Variants in TNKS observed in about 807,000 individuals in gnomAD.
TNKS encodes tankyrase, also known as poly [ADP-ribose] polymerase tankyrase-1.
Under a neutral mutation model 135.8 loss-of-function variants are expected in TNKS, and 72 were observed. The observed-to-expected ratio is 0.53, with a 90% CI of 0.44 to 0.64. The LOEUF is 0.64. Among genes scored for constraint, TNKS ranks in the 30% least tolerant of loss-of-function variants. The pLI is 0.00. For synonymous variants in TNKS, 849 were observed against 649.3 expected, an observed-to-expected ratio of 1.31 and a Z score of -4.68; for missense variants, 1,769 against 1,674.0, an observed-to-expected ratio of 1.06 and a Z score of -0.99.
At chr8:9,751,251 T>G (rs1480709972) in intron 18 of TNKS, among the ~76,000 whole-genome samples, 2 of 152,360 alleles carry the variant, frequency 1.3e-5, no homozygotes, top group African/African-American at 4.8e-5. Flanking sequence ...AGATGTTAAT[T>G]GTACATGAAA....
intron 2 of TNKS, among the ~76,000 whole-genome samples, chr8:9,599,730 C>A (rs1798938496): frequency 6.6e-6 from 1 of 151,758 alleles, no homozygotes; most frequent in Admixed American, 6.6e-5. Flanking sequence ...ATATAAAAAT[C>A]TGCTATGTAT....
At chr8:9,736,257 C>T (rs1805698568) in intron 17 of TNKS, among the ~76,000 whole-genome samples, 1 of 150,924 alleles carries the variant, frequency 6.6e-6, no homozygotes. Flanking sequence ...GTGGCATGCG[C>T]CTGTAATCCC....
At chr8:9,746,401 G>A (rs1184225692) in intron 17 of TNKS, among the ~76,000 whole-genome samples, 1 of 152,132 alleles carries the variant, frequency 6.6e-6, no homozygotes, top group Non-Finnish European at 1.5e-5. Context: ...TTGCTATGTG[G>A]AGCTCTTGCT....
intron 2 of TNKS, among the ~76,000 whole-genome samples, chr8:9,593,366 A>G (rs923115637): frequency 6.6e-6 from 1 of 152,188 alleles, no homozygotes; most frequent in African/African-American, 2.4e-5. Flanking sequence ...TATAATGGAA[A>G]TGTTTTCTTA....
At chr8:9,701,092 C>A (rs1248007550) in intron 5 of TNKS, among the ~76,000 whole-genome samples, 1 of 152,014 alleles carries the variant, frequency 6.6e-6, no homozygotes, top group African/African-American at 2.4e-5. Context: ...CGCCACCACA[C>A]CTGGCTAATT....
intron 2 of TNKS, among the ~76,000 whole-genome samples, chr8:9,591,783 A>C (rs1046411324): frequency 6.6e-6 from 1 of 152,172 alleles, no homozygotes; most frequent in African/African-American, 2.4e-5. Context: ...TTATCAGTTA[A>C]AATAGCAAAG....
intron 2 of TNKS, 140 bp from the exon 3 acceptor site, chr8:9,615,441 TG>T: frequency 1.7e-6 from 1 of 592,456 alleles, no homozygotes; most frequent in Non-Finnish European, 2.8e-6. Flanking sequence ...AGTGCTTTTT[TG>T]CTTTTTTTCT....
chr8:9,652,068 G>C (rs1801167223), intron 3 of TNKS, among the ~76,000 whole-genome samples: 1 of 152,136 alleles, frequency 6.6e-6, no homozygotes, highest in Non-Finnish European at 1.5e-5. Flanking sequence ...ATTAAATATA[G>C]AAACAAATCT....
intron 4 of TNKS, 113 bp downstream of exon 4, chr8:9,680,100 A>T: frequency 1.4e-6 from 1 of 726,926 alleles, no homozygotes; most frequent in South Asian, 1.6e-5. Context: ...GATTTTATGC[A>T]ATTATGCAGA....
In TNKS at chr8:9,577,751, C is replaced by G. The variant is rs564542096; in HGVS notation, c.674-2408C>G. Among the ~76,000 whole-genome samples the G allele has an allele frequency of 2.0e-4, 30 of 152,240 alleles. No homozygotes were observed. In the South Asian group the frequency reaches 6.0e-3, roughly 31 times the overall value. ...AAATTTTTTGGTCCCTGGCTCCTCC[C>G]AAATCTCATATCCTTCTCATATTTC... On this transcript the variant is annotated intron_variant, in intron 1 of 26. Transcript: ENST00000310430.
chr8:9,702,649 A>G (rs1041990307), intron 5 of TNKS, among the ~76,000 whole-genome samples: 5 of 152,330 alleles, frequency 3.3e-5, no homozygotes, highest in African/African-American at 1.2e-4. Flanking sequence ...AGCATTTGAC[A>G]TGGATCTCAA....
chr8:9,744,829 C>G (rs1313884684), intron 17 of TNKS, among the ~76,000 whole-genome samples: 1 of 152,182 alleles, frequency 6.6e-6, no homozygotes, highest in African/African-American at 2.4e-5. Flanking sequence ...ATTGTTCTTT[C>G]AGACATTTGT....
chr8:9,591,478 A>T (rs1798588490), intron 2 of TNKS, among the ~76,000 whole-genome samples: 1 of 152,214 alleles, frequency 6.6e-6, no homozygotes, highest in Non-Finnish European at 1.5e-5. Context: ...CTAAGTGCAC[A>T]TTGGACTGTA....
intron 17 of TNKS, among the ~76,000 whole-genome samples, chr8:9,746,529 A>G (rs1393412536): frequency 6.6e-6 from 1 of 151,252 alleles, no homozygotes; most frequent in East Asian, 1.9e-4. Flanking sequence ...TTTTTCTTCC[A>G]CTCTCCTTTT....
At chr8:9,720,312 A>G in intron 11 of TNKS, 62 bp from the exon 12 acceptor site, 2 of 1,371,736 alleles carry the variant, frequency 1.5e-6, no homozygotes, top group Middle Eastern at 2.4e-4. Context: ...TGTATTTTCT[A>G]AGGTATAAAA....
At chr8:9,769,164 G>A (rs1024065606) in intron 25 of TNKS, among the ~76,000 whole-genome samples, 5 of 152,152 alleles carry the variant, frequency 3.3e-5, no homozygotes, top group African/African-American at 1.2e-4. Context: ...CCCTTGTAGC[G>A]CAAAAGCAAC....
At chr8:9,556,995 T>G in intron 1 of TNKS, 1 of 361,080 alleles carries the variant, frequency 2.8e-6, no homozygotes, top group Non-Finnish European at 5.0e-6. Context: ...GTATGTCCTT[T>G]GAGGACAGTC....
intron 3 of TNKS, among the ~76,000 whole-genome samples, chr8:9,661,927 G>A (rs76220333): frequency 0.82 from 125,266 of 152,198 alleles, 51,795 homozygotes; most frequent in Middle Eastern, 0.88. Context: ...TGGGCAAAGG[G>A]TATGAACAGA....
chr8:9,563,692 C>T (rs1797421398), intron 1 of TNKS, among the ~76,000 whole-genome samples: 1 of 152,114 alleles, frequency 6.6e-6, no homozygotes, highest in African/African-American at 2.4e-5. Flanking sequence ...AACTCAGGCA[C>T]ATGCTATACG....
Sources: gnomAD v4.1 joint callset for allele counts (sites outside exome capture counted in the v4.1 genomes callset) on GRCh38, gnomAD v4.1.1 for gene constraint, MANE v1.5 for transcripts, NCBI Gene and HGNC (gene_info 2026-07-23, HGNC 2026-07-21) for gene names.